The following PTPRD variants were observed in gnomAD, a reference collection of about 807,000 sequenced individuals.
PTPRD encodes receptor-type tyrosine-protein phosphatase delta.
PTPRD carries 34 observed loss-of-function variants against 214.5 expected under a neutral mutation model. The ratio of observed to expected loss-of-function variants is 0.16; its 90% CI spans 0.12 to 0.21. PTPRD has a LOEUF of 0.21. PTPRD is among the 10% of genes least tolerant of loss of function. The probability of loss-of-function intolerance (pLI) is 1.00; values close to 1 mark genes in which losing one functional copy is unlikely to be tolerated. For synonymous variants in PTPRD, 1,128 were observed against 845.7 expected (o/e 1.33, Z -5.79); for missense variants, 2,545 against 2,398.7 (o/e 1.06, Z -1.27).
At chr9:10,323,168 TTCTC>T (rs372838867) in intron 3 of PTPRD, among the ~76,000 whole-genome samples, 11 of 150,784 alleles carry the variant, frequency 7.3e-5, no homozygotes, top group East Asian at 2.0e-4. Flanking sequence ...CTCTTTTTCT[TTCTC>T]TCTTTCTTTT....
rs774842656 is a variant in PTPRD at position 8,404,617 on chromosome 9, A to G, written c.4130T>C (p.Leu1377Ser). 1 of 1,613,226 alleles carries G rather than the reference A, an allele frequency of 6.2e-7. No homozygotes were observed. The highest frequency in any genetic ancestry group is 1.3e-5 in the African/African-American group (1 of 74,944). ...GQQFTWEHSNLEVNKPKNRYA... is the reference protein window; with the variant it reads ...GQQFTWEHSNSEVNKPKNRYA... ...TCTATTCTTTGGTTTGTTTACTTCC[A>G]AGTTTGAATGTTCCCAAGTGAACTG... The change falls in exon 36 of 46, where the codon TTG becomes TCG. Residue 1377 changes from leucine (L) to serine (S), a missense_variant. Leu to Ser is a moderately radical substitution (Grantham distance 145). Transcript: ENST00000381196.
intron 2 of PTPRD, among the ~76,000 whole-genome samples, chr9:10,586,768 T>C (rs1376205001): frequency 7.1e-6 from 1 of 140,356 alleles, no homozygotes; most frequent in Non-Finnish European, 1.5e-5. Flanking sequence ...TGCACATACA[T>C]GCTCACTTAT....
At chr9:8,490,030 G>A (rs936019424) in intron 27 of PTPRD, among the ~76,000 whole-genome samples, 1 of 152,144 alleles carries the variant, frequency 6.6e-6, no homozygotes, top group Non-Finnish European at 1.5e-5. Context: ...AATGCCTTAG[G>A]GTTATTCTGT....
chr9:10,022,954 T>C (rs1270081518), intron 4 of PTPRD, among the ~76,000 whole-genome samples: 5 of 152,218 alleles, frequency 3.3e-5, no homozygotes, highest in Admixed American at 6.5e-5. Flanking sequence ...ATACTGGCTT[T>C]ATATAAAGCT....
intron 8 of PTPRD, among the ~76,000 whole-genome samples, chr9:9,427,931 A>G (rs2081597940): frequency 6.6e-6 from 1 of 152,220 alleles, no homozygotes; most frequent in African/African-American, 2.4e-5. Flanking sequence ...GTGGAAAGGA[A>G]CAACCGTTAC....
intron 34 of PTPRD, among the ~76,000 whole-genome samples, chr9:8,448,481 T>C (rs1168828993): frequency 1.3e-5 from 2 of 152,138 alleles, no homozygotes; most frequent in Non-Finnish European, 1.5e-5. Context: ...AAGTACTGAG[T>C]AGGTGACTCA....
At chr9:9,275,094 A>G (rs1359891129) in intron 9 of PTPRD, among the ~76,000 whole-genome samples, 1 of 54,244 alleles carries the variant, frequency 1.8e-5, no homozygotes, top group African/African-American at 6.4e-5. Flanking sequence ...TATATATGTT[A>G]TATATATAAT....
intron 11 of PTPRD, among the ~76,000 whole-genome samples, chr9:8,971,583 G>A (rs2099238687): frequency 6.6e-6 from 1 of 151,668 alleles, no homozygotes; most frequent in Non-Finnish European, 1.5e-5. Context: ...CAATGAACAT[G>A]ATCTATAATT....
At chr9:9,608,623 G>T (rs1453253462) in intron 7 of PTPRD, among the ~76,000 whole-genome samples, 2 of 152,198 alleles carry the variant, frequency 1.3e-5, no homozygotes, top group African/African-American at 4.8e-5. Context: ...AGGTTGTGGA[G>T]ATGATCAAAC....
intron 5 of PTPRD, among the ~76,000 whole-genome samples, chr9:9,877,712 C>T (rs546168007): frequency 7.9e-5 from 12 of 152,136 alleles, no homozygotes; most frequent in South Asian, 4.2e-4. Context: ...CAGTGGCTCA[C>T]GCCTGTAATC....
intron 10 of PTPRD, among the ~76,000 whole-genome samples, chr9:9,170,205 A>AGATTTCTC (rs1368599697): frequency 2.6e-5 from 4 of 152,208 alleles, no homozygotes; most frequent in Non-Finnish European, 4.4e-5. Flanking sequence ...CATTGTGTTT[A>AGATTTCTC]GATTTCTCAG....
Position 8,517,976 on chromosome 9 carries a change from G to C in PTPRD, c.1415C>G (p.Ala472Gly), listed in dbSNP as rs2138483362. The change falls in exon 21 of 46, where the codon GCT becomes GGT. Residue 472 changes from alanine to glycine, a missense_variant. Transcript: ENST00000381196. ...HVNNWMKHNVADSQITTIGNL... is the reference protein window; with the variant it reads ...HVNNWMKHNVGDSQITTIGNL... ...GCCAATAGTAGTGATTTGGCTGTCA[G>C]CTACATTGTGTTTCATCCAGTTGTT... 6.2e-7 allele frequency: 1 copy of C among 1,614,166 alleles called. No individual in the cohort carries two copies. The highest frequency in any genetic ancestry group is 8.5e-7 in the Non-Finnish European group (1 of 1,180,020).
At chr9:8,568,421 C>G (rs566575312) in intron 14 of PTPRD, among the ~76,000 whole-genome samples, 12 of 152,232 alleles carry the variant, frequency 7.9e-5, no homozygotes, top group Admixed American at 6.5e-4. Context: ...TCCCTGGAAC[C>G]TTTCATTCCT....
intron 11 of PTPRD, among the ~76,000 whole-genome samples, chr9:8,810,822 G>T (rs1394510847): frequency 6.6e-6 from 1 of 152,162 alleles, no homozygotes; most frequent in Non-Finnish European, 1.5e-5. Context: ...CAACCATGGG[G>T]TCTTCGTGAG....
chr9:9,904,947 A>C (rs1377517318), intron 5 of PTPRD, among the ~76,000 whole-genome samples: 2 of 152,042 alleles, frequency 1.3e-5, no homozygotes, highest in Non-Finnish European at 2.9e-5. Flanking sequence ...CAGTTCATTA[A>C]AGAACAACAT....
intron 9 of PTPRD, among the ~76,000 whole-genome samples, chr9:9,276,791 T>C (rs1266189184): frequency 6.6e-6 from 1 of 151,454 alleles, no homozygotes; most frequent in Non-Finnish European, 1.5e-5. Flanking sequence ...CGTATTCTTT[T>C]TAAGTTCCTA....
At chr9:9,743,020 G>A (rs750099837) in intron 6 of PTPRD, among the ~76,000 whole-genome samples, 62 of 152,010 alleles carry the variant, frequency 4.1e-4, no homozygotes, top group Admixed American at 4.6e-4. Flanking sequence ...CAAATGATGT[G>A]TATTTTTACA....
At position 10,473,666 on chromosome 9, in the gene PTPRD, G is replaced by A. The variant is rs1014408802; in HGVS notation, c.-599-132649C>T. 3.3e-5 allele frequency among the ~76,000 whole-genome samples: 5 copies of A among 151,918 alleles called. No homozygotes were observed. The East Asian group carries it at 9.7e-4, about 29-fold the overall frequency. On this transcript the variant is annotated intron_variant, in intron 2 of 45. Transcript: ENST00000381196. ...ACATTTTTTATGAACTCAATATTTT[G>A]CAAATCCCACCACTCCTTCCAAACA...
At chr9:10,412,006 C>G (rs577188895) in intron 2 of PTPRD, among the ~76,000 whole-genome samples, 36 of 151,804 alleles carry the variant, frequency 2.4e-4, no homozygotes, top group African/African-American at 8.0e-4. Context: ...TTTAGACCTG[C>G]AACTATAAAA....
Sources: allele counts gnomAD v4.1 joint callset (sites outside exome capture counted in the v4.1 genomes callset), GRCh38; gene constraint gnomAD v4.1.1; transcripts MANE v1.5; gene names NCBI Gene and HGNC (gene_info 2026-07-23, HGNC 2026-07-21).